Variants in CDH12 observed in about 807,000 individuals in gnomAD.
The protein encoded by CDH12 is cadherin-12.
A neutral mutation model predicts 74.1 loss-of-function variants in CDH12; 41 were observed. The observed-to-expected ratio is 0.55, with a 90% confidence interval of 0.43 to 0.72. The LOEUF is 0.72. Ranked by LOEUF, CDH12 falls within the 30% of genes least tolerant of loss-of-function variation. The probability of loss-of-function intolerance (pLI) is 0.00; values close to 1 mark genes in which losing one functional copy is unlikely to be tolerated. For synonymous variants in CDH12, 399 were observed against 355.0 expected (o/e 1.12, Z -1.39); for missense variants, 945 against 977.2 (o/e 0.97, Z 0.44).
chr5:21,923,157 T>C (rs924217927), intron 6 of CDH12, among the ~76,000 whole-genome samples: 8 of 152,126 alleles, frequency 5.3e-5, no homozygotes, highest in Non-Finnish European at 1.0e-4. Context: ...ATAATGGTGG[T>C]GAATAATAAT....
intron 1 of CDH12, among the ~76,000 whole-genome samples, chr5:22,684,466 G>T (rs1741655598): frequency 6.6e-6 from 1 of 152,186 alleles, no homozygotes; most frequent in African/African-American, 2.4e-5. Context: ...TGAGGATCTA[G>T]ATATACACTG....
intron 6 of CDH12, among the ~76,000 whole-genome samples, chr5:21,955,038 A>G (rs1202839048): frequency 1.3e-5 from 2 of 152,126 alleles, no homozygotes; most frequent in Admixed American, 1.3e-4. Context: ...TGTGAAGTTC[A>G]TAACCAAGAA....
chr5:22,634,933 T>A (rs1346370511), intron 1 of CDH12, among the ~76,000 whole-genome samples: 2 of 151,880 alleles, frequency 1.3e-5, no homozygotes, highest in Non-Finnish European at 2.9e-5. Context: ...CTCCCCAAAT[T>A]GAACCACATA....
At chr5:22,041,823 T>C (rs1444469718) in intron 5 of CDH12, among the ~76,000 whole-genome samples, 1 of 152,100 alleles carries the variant, frequency 6.6e-6, no homozygotes, top group Admixed American at 6.6e-5. Context: ...AACAGGTATA[T>C]AAAAAATTTC....
rs1198621221 is a variant in CDH12 at position 22,031,401 on chromosome 5, C to T, written c.231+47045G>A. Among the ~76,000 whole-genome samples, 2 of 152,006 alleles carry T rather than the reference C, an allele frequency of 1.3e-5. 1 individual carries two copies. The highest frequency in any genetic ancestry group is 2.9e-5 in the Non-Finnish European group (2 of 67,984). Reference sequence around the variant, plus strand: ...GGTTGGTTTGATCTTCCACCCAGACCACTAAAACTTTTGCCATATCAGCAA... The same window carrying T: ...GGTTGGTTTGATCTTCCACCCAGACTACTAAAACTTTTGCCATATCAGCAA... On this transcript the variant is annotated intron_variant, in intron 5 of 14. Coordinates refer to ENST00000382254, the MANE Select transcript of CDH12 (RefSeq NM_004061.5).
chr5:22,404,755 G>A (rs1225912953), intron 3 of CDH12, among the ~76,000 whole-genome samples: 1 of 152,152 alleles, frequency 6.6e-6, no homozygotes. Flanking sequence ...TGCATTTAAG[G>A]AATGCCAGCG....
intron 3 of CDH12, among the ~76,000 whole-genome samples, chr5:22,383,725 CAT>C (rs1468574907): frequency 6.6e-6 from 1 of 152,166 alleles, no homozygotes; most frequent in African/African-American, 2.4e-5. Context: ...CCAAACAAAA[CAT>C]AAAATTCCAC....
At chr5:21,938,319 T>A (rs1383785525) in intron 6 of CDH12, among the ~76,000 whole-genome samples, 4 of 152,174 alleles carry the variant, frequency 2.6e-5, no homozygotes, top group Non-Finnish European at 4.4e-5. Context: ...AGACCTCATT[T>A]AAAACACAGA....
intron 2 of CDH12, among the ~76,000 whole-genome samples, chr5:22,467,197 T>C (rs1467193850): frequency 1.3e-5 from 2 of 152,114 alleles, no homozygotes; most frequent in Non-Finnish European, 2.9e-5. Flanking sequence ...GAGATGAGTA[T>C]AGAATTGGAA....
chr5:21,842,061 TAA>T (rs1749894599), intron 8 of CDH12, 98 bp downstream of exon 8: 2 of 905,894 alleles, frequency 2.2e-6, no homozygotes, highest in Non-Finnish European at 3.4e-6. Context: ...TCCTAAAGAC[TAA>T]GTGTCTGGAA....
At chr5:22,768,384 A>T (rs1241759497) in intron 1 of CDH12, among the ~76,000 whole-genome samples, 1 of 152,088 alleles carries the variant, frequency 6.6e-6, no homozygotes, top group Non-Finnish European at 1.5e-5. Context: ...AGAGTTTATT[A>T]TATTCCAGGA....
At chr5:22,487,622 T>C (rs1037571279) in intron 2 of CDH12, among the ~76,000 whole-genome samples, 2 of 152,130 alleles carry the variant, frequency 1.3e-5, no homozygotes, top group East Asian at 3.9e-4. Flanking sequence ...CTAGGAGCTG[T>C]AAAAATGTAT....
intron 4 of CDH12, among the ~76,000 whole-genome samples, chr5:22,206,311 C>A (rs116316978): frequency 2.6e-5 from 4 of 152,260 alleles, no homozygotes; most frequent in East Asian, 3.9e-4. Flanking sequence ...AGATAACTTG[C>A]GTGCCTGTTC....
chr5:22,499,501 G>A (rs1484518503), intron 2 of CDH12, among the ~76,000 whole-genome samples: 1 of 152,046 alleles, frequency 6.6e-6, no homozygotes, highest in African/African-American at 2.4e-5. Flanking sequence ...CAAGAAAAAC[G>A]AAGTGCAATG....
At chr5:22,325,145 C>G (rs1474121824) in intron 3 of CDH12, among the ~76,000 whole-genome samples, 1 of 152,066 alleles carries the variant, frequency 6.6e-6, no homozygotes, top group Non-Finnish European at 1.5e-5. Flanking sequence ...TAAAGATCTG[C>G]GAGTATAACA....
intron 5 of CDH12, among the ~76,000 whole-genome samples, chr5:22,054,705 T>G (rs1037995579): frequency 4.6e-5 from 7 of 152,156 alleles, no homozygotes; most frequent in African/African-American, 7.2e-5. Flanking sequence ...TCTATTGATG[T>G]GATTACCTGT....
At chr5:22,815,367 C>T (rs901766999) in intron 1 of CDH12, among the ~76,000 whole-genome samples, 1 of 152,106 alleles carries the variant, frequency 6.6e-6, no homozygotes, top group South Asian at 2.1e-4. Flanking sequence ...CTTATGAAAT[C>T]TCTCCCTTTG....
At chr5:22,270,236 T>C (rs1162333957) in intron 3 of CDH12, among the ~76,000 whole-genome samples, 1 of 152,190 alleles carries the variant, frequency 6.6e-6, no homozygotes, top group Non-Finnish European at 1.5e-5. Flanking sequence ...TTCACATCTA[T>C]TGCTATTACT....
chr5:22,054,845 T>C (rs1340477770), intron 5 of CDH12, among the ~76,000 whole-genome samples: 1 of 152,158 alleles, frequency 6.6e-6, no homozygotes, highest in Non-Finnish European at 1.5e-5. Flanking sequence ...AGGACAGTGA[T>C]ACTGTTTTAG....
Sources: allele counts gnomAD v4.1 joint callset (sites outside exome capture counted in the v4.1 genomes callset), GRCh38; gene constraint gnomAD v4.1.1; transcripts MANE v1.5; gene names NCBI Gene and HGNC (gene_info 2026-07-23, HGNC 2026-07-21).